Variants in OR6N1 observed in about 807,000 individuals in gnomAD.
OR6N1 encodes olfactory receptor 6N1.
For synonymous variants in OR6N1, 170 were observed against 150.7 expected, an observed-to-expected ratio of 1.13 and a Z score of -0.94; for missense variants, 394 against 371.7, an observed-to-expected ratio of 1.06 and a Z score of -0.49.
At chr1:158,778,563 GA>G in the OR6N1 span, among the ~76,000 whole-genome samples, 2 of 152,172 alleles carry the variant, frequency 1.3e-5, no homozygotes, top group Non-Finnish European at 2.9e-5. Flanking sequence ...CATCACTGAA[GA>G]ATGTTTGCTA....
chr1:158,807,003 CA>C, the OR6N1 span, among the ~76,000 whole-genome samples: 14,122 of 72,452 alleles, frequency 0.19, 498 homozygotes, highest in Middle Eastern at 0.28. Context: ...GACGTCATCT[CA>C]AAAAAAAAAA....
Position 158,772,024 on chromosome 1 carries a change from G to C in OR6N1, c.-22C>G, listed in dbSNP as rs1657436115. The C allele has an allele frequency of 6.6e-6, 1 of 152,202 alleles. No individual in the cohort carries two copies. The highest frequency in any genetic ancestry group is 1.5e-5 in the Non-Finnish European group (1 of 68,056). The allele number at this position is 152,202 out of a possible 1,614,324, so 9.4% of individuals were successfully genotyped here. A position where few individuals can be genotyped will look rare whatever the true frequency, so the allele number is the denominator to read the frequency against. The stretch of plus-strand genomic sequence containing the variant: ...TGCCTGCTTGATAAAGTCTTACCTA[G>C]AGATTGTTGGTGGGGAGTGCTCTGC... On this transcript the variant is annotated 5_prime_UTR_variant, in exon 1 of 2. Transcript: ENST00000641846.
At chr1:158,802,906 G>C in the OR6N1 span, among the ~76,000 whole-genome samples, 2 of 151,654 alleles carry the variant, frequency 1.3e-5, no homozygotes, top group African/African-American at 4.8e-5. Flanking sequence ...TCCTAATCTT[G>C]ACATCTGAAC....
upstream of OR6N1, among the ~76,000 whole-genome samples, chr1:158,772,651 C>T (rs1212461790): frequency 6.6e-6 from 1 of 152,170 alleles, no homozygotes; most frequent in East Asian, 1.9e-4. Context: ...GTCTGTTGCT[C>T]ATATTTATAG....
rs901437274 is a variant in OR6N1 at position 158,765,553 on chromosome 1, T to G, written c.*191A>C. On this transcript the variant is annotated 3_prime_UTR_variant, in exon 2 of 2. Coordinates refer to ENST00000641846, the MANE Select transcript of OR6N1 (RefSeq NM_001005185.2). The stretch of plus-strand genomic sequence containing the variant: ...GATGTGTACTTTCCCTAGTCTCTGG[T>G]CTCAAGCCAAATGTGGCTCCAGCAG... The G allele has an allele frequency of 1.8e-6, 1 of 558,064 alleles. No homozygotes were observed. 34.6% of individuals were successfully genotyped at this position (558,064 alleles called of 1,614,324 possible).
At chr1:158,830,267 T>G in the OR6N1 span, among the ~76,000 whole-genome samples, 1 of 152,296 alleles carries the variant, frequency 6.6e-6, no homozygotes, top group East Asian at 1.9e-4. Flanking sequence ...ACTGAAACAA[T>G]GAACACCCAC....
the OR6N1 span, among the ~76,000 whole-genome samples, chr1:158,791,469 ATTTT>A: frequency 7.9e-6 from 1 of 127,362 alleles, no homozygotes; most frequent in East Asian, 2.3e-4. Context: ...TATGATTTTG[ATTTT>A]TTTTTTTTTT....
At chr1:158,771,600 T>C (rs1050767118) in intron 1 of OR6N1, among the ~76,000 whole-genome samples, 2 of 152,260 alleles carry the variant, frequency 1.3e-5, no homozygotes, top group African/African-American at 4.8e-5. Flanking sequence ...TTGCATTCTT[T>C]TCTTCAGATA....
At chr1:158,785,827 G>T in the OR6N1 span, among the ~76,000 whole-genome samples, 1 of 152,030 alleles carries the variant, frequency 6.6e-6, no homozygotes, top group Non-Finnish European at 1.5e-5. Flanking sequence ...ATCTATACAG[G>T]ATACTAATAA....
At chr1:158,810,909 G>GT in the OR6N1 span, among the ~76,000 whole-genome samples, 1 of 151,664 alleles carries the variant, frequency 6.6e-6, no homozygotes, top group South Asian at 2.1e-4. Context: ...TACATGTGCG[G>GT]TACATGTACA....
the OR6N1 span, among the ~76,000 whole-genome samples, chr1:158,778,609 A>C: frequency 6.6e-6 from 1 of 152,162 alleles, no homozygotes; most frequent in Non-Finnish European, 1.5e-5. Context: ...CTTTTAAAAC[A>C]TAAGTAAAAT....
rs76522453 is a variant in OR6N1 at position 158,770,160 on chromosome 1, G to A, written c.-19+1861C>T. Among the ~76,000 whole-genome samples, 239 of 152,284 alleles carry A rather than the reference G, an allele frequency of 1.6e-3. 1 individual carries two copies. The highest frequency in any genetic ancestry group is 5.6e-3 in the African/African-American group (232 of 41,576). The stretch of plus-strand genomic sequence containing the variant: ...TACATGGATGGCTGGTCAGAAGATT[G>A]AATATGAGAAGCCAGTATTTTGTCG... On this transcript the variant is annotated intron_variant, in intron 1 of 1. Coordinates refer to ENST00000641846, the MANE Select transcript of OR6N1 (RefSeq NM_001005185.2).
At chr1:158,798,325 C>G in the OR6N1 span, among the ~76,000 whole-genome samples, 1 of 151,036 alleles carries the variant, frequency 6.6e-6, no homozygotes, top group African/African-American at 2.4e-5. Context: ...AACTTGAATG[C>G]TTAGTTAATT....
chr1:158,803,466 T>C, the OR6N1 span, among the ~76,000 whole-genome samples: 5 of 152,232 alleles, frequency 3.3e-5, no homozygotes, highest in African/African-American at 1.2e-4. Flanking sequence ...TTCATGGATA[T>C]ATAGATTAGC....
chr1:158,834,266 C>G, the OR6N1 span, among the ~76,000 whole-genome samples: 2 of 146,006 alleles, frequency 1.4e-5, no homozygotes, highest in African/African-American at 5.1e-5. Flanking sequence ...GGAGTTTCGC[C>G]CTGTCGCCCA....
At chr1:158,831,703 A>G in the OR6N1 span, 1 of 152,208 alleles carries the variant, frequency 6.6e-6, no homozygotes, top group Non-Finnish European at 1.5e-5. Context: ...TTAACTGTCT[A>G]GGTAGCAAAT....
At chr1:158,785,901 T>G in the OR6N1 span, among the ~76,000 whole-genome samples, 1 of 152,134 alleles carries the variant, frequency 6.6e-6, no homozygotes, top group African/African-American at 2.4e-5. Flanking sequence ...ATTTTAGACT[T>G]TTCAAGCCCT....
the OR6N1 span, among the ~76,000 whole-genome samples, chr1:158,814,366 G>C: frequency 6.6e-6 from 1 of 152,172 alleles, no homozygotes; most frequent in Non-Finnish European, 1.5e-5. Flanking sequence ...CCCTTCTAGA[G>C]TGTTAAAACT....
At chr1:158,775,086 A>G (rs1415828325), upstream of OR6N1, 1 of 152,258 alleles carries the variant, frequency 6.6e-6, no homozygotes, top group Non-Finnish European at 1.5e-5. Context: ...TCTAGTTTAT[A>G]GATACTTGTA....
Sources: gnomAD v4.1 joint callset for allele counts (sites outside exome capture counted in the v4.1 genomes callset) on GRCh38, gnomAD v4.1.1 for gene constraint, MANE v1.5 for transcripts, NCBI Gene and HGNC (gene_info 2026-07-23, HGNC 2026-07-21) for gene names.